The following FANCA variants were observed in gnomAD, a reference collection of about 807,000 sequenced individuals.
FANCA encodes Fanconi anemia group A protein.
FANCA carries 236 observed loss-of-function variants against 194.3 expected under a neutral mutation model. That is an observed-to-expected ratio of 1.21 (90% CI 1.09 to 1.35). The LOEUF is 1.35. FANCA is among the 40% of genes most tolerant of loss of function. The probability of loss-of-function intolerance (pLI) is 0.00; values close to 1 mark genes in which losing one functional copy is unlikely to be tolerated. For missense variants in FANCA, 2,628 were observed against 1,813.9 expected (o/e 1.45, Z -8.15); for synonymous variants, 1,014 against 715.8 (o/e 1.42, Z -6.65).
intron 6 of FANCA, 147 bp downstream of exon 6, chr16:89,808,147 T>C: frequency 2.6e-6 from 2 of 762,950 alleles, no homozygotes; most frequent in Admixed American, 2.0e-5. Flanking sequence ...AGGTCTAGTC[T>C]AGTATAAATA....
intron 29 of FANCA, among the ~76,000 whole-genome samples, chr16:89,759,623 T>G (rs1049376708): frequency 6.6e-6 from 1 of 151,936 alleles, no homozygotes; most frequent in East Asian, 1.9e-4. Context: ...TAGCTGGGCA[T>G]AGTAGTGCCC....
At chr16:89,782,734 G>A (rs894774406) in intron 17 of FANCA, 125 bp downstream of exon 17, 19 of 825,166 alleles carry the variant, frequency 2.3e-5, no homozygotes, top group African/African-American at 6.8e-5. Flanking sequence ...CCCCAGCTGC[G>A]CCCGAGGCAA....
intron 11 of FANCA, among the ~76,000 whole-genome samples, chr16:89,795,324 A>AAAT (rs1487340345): frequency 9.4e-5 from 14 of 148,440 alleles, no homozygotes; most frequent in African/African-American, 3.3e-4. Flanking sequence ...ATAAATAAAT[A>AAAT]AAATAAAGAT....
chr16:89,798,839 C>T, intron 10 of FANCA: 3 of 1,498,142 alleles, frequency 2.0e-6, no homozygotes, highest in Non-Finnish European at 2.7e-6. Context: ...CTGAATCACA[C>T]CCAGGGAAGG....
chr16:89,746,292 C>A (rs1214787288), intron 35 of FANCA, among the ~76,000 whole-genome samples: 1 of 152,202 alleles, frequency 6.6e-6, no homozygotes, highest in Non-Finnish European at 1.5e-5. Context: ...ACAAGCCCTG[C>A]ACCCCTGTGG....
At chr16:89,773,917 G>A (rs1342603747) in intron 21 of FANCA, among the ~76,000 whole-genome samples, 2 of 151,730 alleles carry the variant, frequency 1.3e-5, no homozygotes, top group African/African-American at 2.4e-5. Flanking sequence ...CTACAGGCAC[G>A]CACCACCACA....
intron 29 of FANCA, among the ~76,000 whole-genome samples, chr16:89,759,335 A>T (rs1156371922): frequency 2.7e-5 from 4 of 147,156 alleles, no homozygotes; most frequent in African/African-American, 5.0e-5. Context: ...AAAAAAAAAA[A>T]AAAAAAAAAA....
intron 5 of FANCA, 123 bp from the exon 6 acceptor site, chr16:89,808,490 A>T (rs2040751944): frequency 1.0e-6 from 1 of 992,462 alleles, no homozygotes; most frequent in East Asian, 2.5e-5. Context: ...CGTATTGAAA[A>T]TTAACCTCAA....
At chr16:89,745,541 G>A (rs1217326268) in intron 35 of FANCA, among the ~76,000 whole-genome samples, 2 of 117,142 alleles carry the variant, frequency 1.7e-5, no homozygotes, top group Admixed American at 8.2e-5. Context: ...AGCTGGGAAC[G>A]AAACAGTGAA....
rs17226019 is a variant in FANCA at position 89,799,053 on chromosome 16, T to C, written c.893+113A>G. On this transcript the variant is annotated intron_variant, in intron 10 of 42. Transcript: ENST00000389301. ...ACGTTATCGTAACTGGCAGAGGAAGTGTGCTCAGGAGCGGGCTGCTGAAGC... is the reference window on the plus strand; with the variant it reads ...ACGTTATCGTAACTGGCAGAGGAAGCGTGCTCAGGAGCGGGCTGCTGAAGC... The C allele has an allele frequency of 2.8e-4, 447 of 1,614,244 alleles. 1 individual carries two copies. The African/African-American group carries it at 5.2e-3, about 19-fold the overall frequency.
rs1242381795 is a variant in FANCA at position 89,770,009 on chromosome 16, C to T, written c.2332G>A (p.Ala778Thr). The T allele has an allele frequency of 5.6e-6, 9 of 1,613,686 alleles. No individual in the cohort carries two copies. The East Asian group carries it at 1.6e-4, about 28-fold the overall frequency. Residue 778 changes from alanine to threonine, a missense_variant, in exon 26 of 43, where the codon GCC becomes ACC. By Grantham distance (58) the Ala-to-Thr change is moderately conservative. Transcript: ENST00000389301. The part of the protein sequence containing the change: ...LLRHQGPSLS[A>T]PHVLGLAALA... Reference sequence around the variant, plus strand: ...GCAGCCAACCCCAGCACATGTGGGGCACTCAGGCTCGGGCCCTGCAACGAG... The same window carrying T: ...GCAGCCAACCCCAGCACATGTGGGGTACTCAGGCTCGGGCCCTGCAACGAG...
In FANCA at chr16:89,768,385, G is replaced by C. The variant is rs568309737; in HGVS notation, c.2505-1148C>G. Among the ~76,000 whole-genome samples, 18 of 152,248 alleles carry C rather than the reference G, an allele frequency of 1.2e-4. No individual in the cohort carries two copies. The South Asian group carries it at 2.9e-3, about 25-fold the overall frequency. ...ACTTCTGTTTTACTAATACATATTT[G>C]AGCTGGGCGTGGAGGCTCACACCTG... On this transcript the variant is annotated intron_variant, in intron 26 of 42. Coordinates refer to ENST00000389301, the MANE Select transcript of FANCA (RefSeq NM_000135.4).
intron 36 of FANCA, among the ~76,000 whole-genome samples, chr16:89,743,754 C>G (rs748519141): frequency 3.3e-5 from 5 of 151,892 alleles, no homozygotes; most frequent in African/African-American, 1.2e-4. Flanking sequence ...ACCTGGGAGG[C>G]GGAGGTCATG....
At chr16:89,777,579 A>G (rs1026312026) in intron 20 of FANCA, among the ~76,000 whole-genome samples, 1 of 150,852 alleles carries the variant, frequency 6.6e-6, no homozygotes, top group Non-Finnish European at 1.5e-5. Context: ...CAAAAAAAGA[A>G]AAAAAAAAGG....
intron 42 of FANCA, 62 bp downstream of exon 42, chr16:89,738,820 G>C (rs780438035): frequency 6.6e-5 from 107 of 1,613,924 alleles, no homozygotes; most frequent in Non-Finnish European, 8.8e-5. Flanking sequence ...CAGGCACATG[G>C]CCCAGGCAGC....
chr16:89,779,028 G>A, intron 18 of FANCA, 25 bp from the exon 19 acceptor site: 2 of 1,610,816 alleles, frequency 1.2e-6, no homozygotes, highest in Non-Finnish European at 8.5e-7. Flanking sequence ...AGCAGACAGT[G>A]CATCAGTCAG....
intron 11 of FANCA, among the ~76,000 whole-genome samples, chr16:89,795,649 C>G (rs1328504132): frequency 6.6e-6 from 1 of 152,014 alleles, no homozygotes; most frequent in Admixed American, 6.6e-5. Context: ...AACAAACAAA[C>G]AAAAAAGATA....
Position 89,751,770 on chromosome 16 carries a change from CT to C in FANCA, c.3066+367del, listed in dbSNP as rs35187435. 2.5e-3 allele frequency among the ~76,000 whole-genome samples: 364 copies of C among 144,690 alleles called. 1 individual carries two copies. The highest frequency in any genetic ancestry group is 7.4e-3 in the Middle Eastern group (2 of 272). The allele number at this position is 144,690 out of a possible 152,430, so 94.9% of individuals were successfully genotyped here. A position where few individuals can be genotyped will look rare whatever the true frequency, so the allele number is the denominator to read the frequency against. ...ACAAGCCTGAGCCAACAATAAATATCTTTTTTTTTTTTTTGAGACGGAGTCT... is the reference window on the plus strand; with the variant it reads ...ACAAGCCTGAGCCAACAATAAATATCTTTTTTTTTTTTTGAGACGGAGTCT... On this transcript the variant is annotated intron_variant, in intron 31 of 42. Coordinates refer to ENST00000389301, the MANE Select transcript of FANCA (RefSeq NM_000135.4).
At chr16:89,765,390 G>A (rs1393513554) in intron 27 of FANCA, among the ~76,000 whole-genome samples, 1 of 151,808 alleles carries the variant, frequency 6.6e-6, no homozygotes, top group African/African-American at 2.4e-5. Context: ...CACGTTCAGG[G>A]GACCTCAGTC....
Sources: gnomAD v4.1 joint callset for allele counts (sites outside exome capture counted in the v4.1 genomes callset) on GRCh38, gnomAD v4.1.1 for gene constraint, MANE v1.5 for transcripts, NCBI Gene and HGNC (gene_info 2026-07-23, HGNC 2026-07-21) for gene names.